The following RBFOX1 variants were observed in gnomAD, a reference collection of about 807,000 sequenced individuals.
RBFOX1 encodes the protein RNA binding fox-1 homolog 1, also known as RNA binding protein fox-1 homolog 1.
Under a neutral mutation model 57.7 loss-of-function variants are expected in RBFOX1, and 8 were observed. The ratio of observed to expected loss-of-function variants is 0.14; its 90% confidence interval spans 0.08 to 0.25. RBFOX1 has a LOEUF of 0.25. Ranked by LOEUF, RBFOX1 falls within the 10% of genes least tolerant of loss-of-function variation. RBFOX1 has a pLI of 1.00. For synonymous variants in RBFOX1, 326 were observed against 222.4 expected (o/e 1.47, Z -4.15); for missense variants, 611 against 548.5 (o/e 1.11, Z -1.14).
intron 2 of RBFOX1, among the ~76,000 whole-genome samples, chr16:5,490,191 C>T (rs994748191): frequency 1.3e-5 from 2 of 152,200 alleles, no homozygotes; most frequent in Non-Finnish European, 2.9e-5. Flanking sequence ...GGTTAGGGAC[C>T]ACCTATGTTG....
At chr16:6,494,503 T>C (rs2095711897) in intron 2 of RBFOX1, among the ~76,000 whole-genome samples, 1 of 152,234 alleles carries the variant, frequency 6.6e-6, no homozygotes. Context: ...TATTGACTCA[T>C]CATTCCCTGG....
At chr16:7,403,640 A>G (rs2098282196) in intron 4 of RBFOX1, among the ~76,000 whole-genome samples, 1 of 137,614 alleles carries the variant, frequency 7.3e-6, no homozygotes, top group African/African-American at 2.7e-5. Context: ...TCCGCCTCCC[A>G]AGTTCAAGTG....
At chr16:6,589,894 A>G (rs1002433723) in intron 2 of RBFOX1, among the ~76,000 whole-genome samples, 32 of 152,296 alleles carry the variant, frequency 2.1e-4, no homozygotes, top group Admixed American at 8.5e-4. Flanking sequence ...CCTCAGCTAT[A>G]ATTTTTACAC....
At chr16:6,101,855 G>C (rs143456284) in intron 1 of RBFOX1, among the ~76,000 whole-genome samples, 40 of 152,294 alleles carry the variant, frequency 2.6e-4, no homozygotes, top group African/African-American at 9.6e-4. Context: ...TGCCGGGGCA[G>C]CTGTAGTGGG....
At chr16:7,122,819 T>C (rs1173590688) in intron 4 of RBFOX1, among the ~76,000 whole-genome samples, 1 of 152,162 alleles carries the variant, frequency 6.6e-6, no homozygotes, top group South Asian at 2.1e-4. Context: ...TGTCTTCAAA[T>C]AGATGAATTT....
At chr16:7,180,088 T>C (rs1423110254) in intron 4 of RBFOX1, among the ~76,000 whole-genome samples, 3 of 152,116 alleles carry the variant, frequency 2.0e-5, no homozygotes, top group Non-Finnish European at 2.9e-5. Context: ...AGAGAAAATA[T>C]TTCTTCTTTT....
intron 3 of RBFOX1, among the ~76,000 whole-genome samples, chr16:7,016,857 A>G (rs539237384): frequency 1.1e-3 from 163 of 152,270 alleles, no homozygotes; most frequent in Non-Finnish European, 8.8e-5. Context: ...GCTGCAGAGA[A>G]CTTAAGACTG....
intron 1 of RBFOX1, among the ~76,000 whole-genome samples, chr16:5,438,742 TG>T (rs1339702339): frequency 6.6e-6 from 1 of 152,138 alleles, no homozygotes; most frequent in Non-Finnish European, 1.5e-5. Flanking sequence ...CCTTCTACCC[TG>T]GCCTGTGAGT....
chr16:7,329,636 A>G (rs1186453836), intron 4 of RBFOX1, among the ~76,000 whole-genome samples: 2 of 152,244 alleles, frequency 1.3e-5, no homozygotes, highest in African/African-American at 2.4e-5. Context: ...AAACATAAGT[A>G]CCGCAATCAT....
At chr16:7,701,306 G>T (rs1228712398) in intron 14 of RBFOX1, among the ~76,000 whole-genome samples, 2 of 151,960 alleles carry the variant, frequency 1.3e-5, no homozygotes, top group African/African-American at 4.8e-5. Flanking sequence ...GTGGTGAGCG[G>T]GGTGGGGGGT....
At chr16:6,112,199 T>C (rs2096454370) in intron 1 of RBFOX1, among the ~76,000 whole-genome samples, 1 of 152,154 alleles carries the variant, frequency 6.6e-6, no homozygotes, top group African/African-American at 2.4e-5. Context: ...CTGTGGACTT[T>C]AAGAACTTCT....
intron 4 of RBFOX1, among the ~76,000 whole-genome samples, chr16:7,248,962 C>G (rs2094413231): frequency 6.6e-6 from 1 of 152,164 alleles, no homozygotes; most frequent in South Asian, 2.1e-4. Flanking sequence ...GGAGAGGTCC[C>G]TTTGTCTGTG....
chr16:6,720,557 C>T (rs550726206), intron 3 of RBFOX1, among the ~76,000 whole-genome samples: 1 of 152,168 alleles, frequency 6.6e-6, no homozygotes, highest in East Asian at 1.9e-4. Context: ...AGGCAGAGGC[C>T]CTGAGCTGGA....
At chr16:7,084,151 G>C (rs538190826) in intron 4 of RBFOX1, among the ~76,000 whole-genome samples, 1 of 152,300 alleles carries the variant, frequency 6.6e-6, no homozygotes, top group East Asian at 1.9e-4. Context: ...TGGAAGGACT[G>C]TGGTAAACAG....
chr16:6,460,214 C>G (rs1051310237), intron 2 of RBFOX1, among the ~76,000 whole-genome samples: 1 of 151,916 alleles, frequency 6.6e-6, no homozygotes, highest in African/African-American at 2.4e-5. Flanking sequence ...CATTGGTTCT[C>G]TCTCCTTGGC....
intron 3 of RBFOX1, among the ~76,000 whole-genome samples, chr16:6,748,541 T>A (rs148733117): frequency 6.6e-6 from 1 of 152,168 alleles, no homozygotes; most frequent in African/African-American, 2.4e-5. Flanking sequence ...TGGCATGCAT[T>A]TGTAGTCCCA....
At chr16:6,492,635 T>C (rs947588650) in intron 2 of RBFOX1, among the ~76,000 whole-genome samples, 8 of 152,194 alleles carry the variant, frequency 5.3e-5, no homozygotes, top group Non-Finnish European at 8.8e-5. Context: ...TTTCTGCCTC[T>C]GGAATCTGTG....
At chr16:7,325,687 T>C (rs188355231) in intron 4 of RBFOX1, among the ~76,000 whole-genome samples, 47 of 152,260 alleles carry the variant, frequency 3.1e-4, no homozygotes, top group African/African-American at 1.0e-3. Flanking sequence ...GTCTGGTGTA[T>C]CCTGTCCACA....
At chr16:6,820,584 G>A (rs1421265935) in intron 3 of RBFOX1, among the ~76,000 whole-genome samples, 6 of 152,004 alleles carry the variant, frequency 3.9e-5, no homozygotes, top group African/African-American at 1.2e-4. Context: ...TTTTGAGCCC[G>A]GGAGTTAGAG....
Sources: gnomAD v4.1 joint callset for allele counts (sites outside exome capture counted in the v4.1 genomes callset) on GRCh38, gnomAD v4.1.1 for gene constraint, MANE v1.5 for transcripts, NCBI Gene and HGNC (gene_info 2026-07-23, HGNC 2026-07-21) for gene names.